Variants in CNTNAP3B observed in about 807,000 individuals in gnomAD.
The protein encoded by CNTNAP3B is contactin associated protein family member 3B.
Under a neutral mutation model 108.9 loss-of-function variants are expected in CNTNAP3B, and 25 were observed. The observed-to-expected ratio is 0.23, with a 90% CI of 0.17 to 0.32. CNTNAP3B has a LOEUF of 0.32. CNTNAP3B is among the 10% of genes least tolerant of loss of function. The pLI is 1.00. For missense variants in CNTNAP3B, 252 were observed against 1,210.4 expected (o/e 0.21, Z 11.75); for synonymous variants, 103 against 473.4 (o/e 0.22, Z 10.16).
chr9:41,937,114 T>TTTATTATTATTATTATTA (rs373324080), intron 14 of CNTNAP3B, among the ~76,000 whole-genome samples: 293 of 141,416 alleles, frequency 2.1e-3, no homozygotes, highest in African/African-American at 6.5e-3. Context: ...TATTTATTAA[T>TTTATTATTATTATTATTA]TTATTATTAT....
At chr9:42,061,643 T>G in intron 3 of CNTNAP3B, among the ~76,000 whole-genome samples, 1 of 112,744 alleles carries the variant, frequency 8.9e-6, no homozygotes, top group South Asian at 3.0e-4. Context: ...AGTTACTGAT[T>G]TCTAGAATCA....
intron 14 of CNTNAP3B, among the ~76,000 whole-genome samples, chr9:41,935,524 T>C (rs1450227800): frequency 6.6e-6 from 1 of 152,294 alleles, no homozygotes; most frequent in African/African-American, 2.4e-5. Flanking sequence ...ATTATAAATC[T>C]TTTCATTTCA....
At chr9:41,930,963 A>G in intron 14 of CNTNAP3B, among the ~76,000 whole-genome samples, 1 of 152,278 alleles carries the variant, frequency 6.6e-6, no homozygotes, top group Non-Finnish European at 1.5e-5. Flanking sequence ...GTTATATTTT[A>G]TTACATATAT....
chr9:42,057,780 T>C (rs1827104449), intron 3 of CNTNAP3B, among the ~76,000 whole-genome samples: 1 of 135,566 alleles, frequency 7.4e-6, no homozygotes, highest in African/African-American at 3.0e-5. Flanking sequence ...TGTTATTAAC[T>C]ATAGTCACCA....
At chr9:41,947,835 G>A (rs1303833333) in intron 13 of CNTNAP3B, among the ~76,000 whole-genome samples, 1 of 152,222 alleles carries the variant, frequency 6.6e-6, no homozygotes, top group African/African-American at 2.4e-5. Flanking sequence ...AATTTAAGTG[G>A]ATATCACTAC....
intron 3 of CNTNAP3B, among the ~76,000 whole-genome samples, chr9:42,041,369 A>C (rs1294348865): frequency 5.3e-5 from 8 of 151,406 alleles, no homozygotes; most frequent in Non-Finnish European, 7.4e-5. Context: ...AGAATCTACA[A>C]AGAATTTAAA....
At chr9:41,986,384 C>A in intron 8 of CNTNAP3B, 73 bp from the exon 9 acceptor site, 1 of 945,816 alleles carries the variant, frequency 1.1e-6, no homozygotes, top group East Asian at 3.7e-5. Flanking sequence ...CAATTTGATT[C>A]AGATCACTGA....
intron 2 of CNTNAP3B, among the ~76,000 whole-genome samples, chr9:42,078,770 A>C (rs1175462431): frequency 6.8e-6 from 1 of 147,144 alleles, no homozygotes; most frequent in Non-Finnish European, 1.5e-5. Flanking sequence ...AGCAATATTT[A>C]TGTGAGCCCC....
chr9:42,056,441 C>T lies in CNTNAP3B; in HGVS notation c.390+20428G>A, dbSNP rs1472677704. Reference sequence around the variant, plus strand: ...TCTTGGCTCACTGCAAGCTCCACCTCCCGGGTTCACAGCATTCTCCTTCCT... The same window carrying T: ...TCTTGGCTCACTGCAAGCTCCACCTTCCGGGTTCACAGCATTCTCCTTCCT... On this transcript the variant is annotated intron_variant, in intron 3 of 23. Transcript: ENST00000377561. Among the ~76,000 whole-genome samples, 156 of 137,810 alleles carry T rather than the reference C, an allele frequency of 1.1e-3. 1 individual carries two copies. Among genetic ancestry groups the T allele is most frequent in the African/African-American group, 4.3e-3 (149 of 34,922 alleles). The allele number at this position is 137,810 out of a possible 152,430, so 90.4% of individuals were successfully genotyped here.
chr9:42,126,588 G>A (rs1340023447), intron 1 of CNTNAP3B, among the ~76,000 whole-genome samples: 1 of 135,682 alleles, frequency 7.4e-6, no homozygotes, highest in African/African-American at 3.0e-5. Flanking sequence ...TTGAGACGGA[G>A]TTTTGCGTTT....
chr9:42,112,624 G>C lies in CNTNAP3B; in HGVS notation c.86-7885C>G, dbSNP rs1199108167. Among the ~76,000 whole-genome samples the C allele has an allele frequency of 1.5e-5, 2 of 136,922 alleles. 1 individual carries two copies. Among genetic ancestry groups the C allele is most frequent in the African/African-American group, 5.9e-5 (2 of 34,174 alleles). The allele number at this position is 136,922 out of a possible 152,430, so 89.8% of individuals were successfully genotyped here. A position where few individuals can be genotyped will look rare whatever the true frequency, so the allele number is the denominator to read the frequency against. On this transcript the variant is annotated intron_variant, in intron 1 of 23. Transcript: ENST00000377561. The stretch of plus-strand genomic sequence containing the variant: ...AAATTCTATAAATTAGAATTTACAG[G>C]GGGTAGGAGATAGGGGTTACACGTT...
At chr9:41,938,876 C>T (rs1181137974) in intron 13 of CNTNAP3B, among the ~76,000 whole-genome samples, 1 of 152,278 alleles carries the variant, frequency 6.6e-6, no homozygotes, top group South Asian at 2.1e-4. Context: ...TCTGTCAGTA[C>T]TTACTAATTT....
chr9:41,968,964 T>G (rs1478264684), intron 10 of CNTNAP3B, among the ~76,000 whole-genome samples: 2 of 152,232 alleles, frequency 1.3e-5, no homozygotes, highest in East Asian at 3.8e-4. Context: ...GCCTGGCTAA[T>G]TTTTTGCATT....
At chr9:41,942,687 A>G (rs1294357066) in intron 13 of CNTNAP3B, among the ~76,000 whole-genome samples, 2 of 152,374 alleles carry the variant, frequency 1.3e-5, no homozygotes, top group Admixed American at 6.5e-5. Context: ...CTTATCATCA[A>G]TCAGATCAGT....
intron 12 of CNTNAP3B, among the ~76,000 whole-genome samples, chr9:41,956,083 A>C (rs1404726738): frequency 1.3e-5 from 2 of 152,234 alleles, no homozygotes; most frequent in Non-Finnish European, 2.9e-5. Flanking sequence ...AGAGTAAAAA[A>C]AAAAATAATA....
Position 41,979,187 on chromosome 9 carries a change from CA to C in CNTNAP3B, c.1477+6980del, listed in dbSNP as rs889841574. 1.6e-4 allele frequency among the ~76,000 whole-genome samples: 21 copies of C among 127,868 alleles called. 3 individuals carry two copies. Among genetic ancestry groups the C allele is most frequent in the Non-Finnish European group, 4.9e-5 (3 of 61,448 alleles). 83.9% of individuals were successfully genotyped at this position (127,868 alleles called of 152,430 possible). ...CCTCCATTTCCATTTTTCATAAGGACACTGGTCATATTGGATTGGAGCTCAC... is the reference window on the plus strand; with the variant it reads ...CCTCCATTTCCATTTTTCATAAGGACCTGGTCATATTGGATTGGAGCTCAC... On this transcript the variant is annotated intron_variant, in intron 9 of 23. Transcript: ENST00000377561.
chr9:41,927,985 C>A (rs1173335244), intron 15 of CNTNAP3B, among the ~76,000 whole-genome samples: 7 of 146,626 alleles, frequency 4.8e-5, no homozygotes, highest in African/African-American at 1.8e-4. Flanking sequence ...ATAATAAAAA[C>A]CATTTTTTCT....
intron 18 of CNTNAP3B, among the ~76,000 whole-genome samples, chr9:41,917,939 G>A (rs1302721563): frequency 6.6e-6 from 1 of 152,298 alleles, no homozygotes; most frequent in Non-Finnish European, 1.5e-5. Context: ...AGAGGGTCTT[G>A]GCTTAAATGC....
At chr9:42,047,509 C>A (rs1826895430) in intron 3 of CNTNAP3B, among the ~76,000 whole-genome samples, 1 of 86,606 alleles carries the variant, frequency 1.2e-5, no homozygotes, top group Admixed American at 1.2e-4. Flanking sequence ...AGAAATGAGT[C>A]TAGTCGAGTT....
Sources: gnomAD v4.1 joint callset for allele counts (sites outside exome capture counted in the v4.1 genomes callset) on GRCh38, gnomAD v4.1.1 for gene constraint, MANE v1.5 for transcripts, NCBI Gene and HGNC (gene_info 2026-07-23, HGNC 2026-07-21) for gene names.